BMAL2: variants seen among roughly 807,000 people sequenced by gnomAD.
BMAL2 encodes basic helix-loop-helix ARNT-like protein 2.
At chr12:27,356,910 C>G in the BMAL2 span, among the ~76,000 whole-genome samples, 1 of 151,852 alleles carries the variant, frequency 6.6e-6, no homozygotes, top group East Asian at 1.9e-4. Context: ...CACCCCCCCA[C>G]CCTTTCCCCT....
chr12:27,355,424 AC>A, the BMAL2 span, among the ~76,000 whole-genome samples: 1 of 152,136 alleles, frequency 6.6e-6, no homozygotes, highest in African/African-American at 2.4e-5. Flanking sequence ...TCTCCCACTG[AC>A]ACCAAATTTC....
At chr12:27,417,317 G>C in the BMAL2 span, among the ~76,000 whole-genome samples, 2 of 152,188 alleles carry the variant, frequency 1.3e-5, no homozygotes, top group Non-Finnish European at 2.9e-5. Flanking sequence ...ATTTCCCATA[G>C]TAGTTTTATA....
the BMAL2 span, among the ~76,000 whole-genome samples, chr12:27,337,723 T>C: frequency 1.3e-5 from 2 of 152,216 alleles, no homozygotes. Flanking sequence ...CTTTGTAAAC[T>C]TGGTCAAATT....
At chr12:27,344,647 A>G in the BMAL2 span, among the ~76,000 whole-genome samples, 2 of 152,224 alleles carry the variant, frequency 1.3e-5, no homozygotes, top group African/African-American at 4.8e-5. Context: ...CAGATTATCT[A>G]GGATAATCTC....
chr12:27,341,514 A>T, the BMAL2 span, among the ~76,000 whole-genome samples: 37 of 152,192 alleles, frequency 2.4e-4, no homozygotes, highest in African/African-American at 8.7e-4. Flanking sequence ...GGATTTGGTT[A>T]GCGCAGCTAC....
the BMAL2 span, chr12:27,387,119 AG>A: frequency 1.4e-6 from 1 of 721,838 alleles, no homozygotes; most frequent in East Asian, 2.7e-5. Context: ...CTACTCTGTT[AG>A]TTTTATTGCC....
chr12:27,381,679 C>T, the BMAL2 span, among the ~76,000 whole-genome samples: 4 of 152,152 alleles, frequency 2.6e-5, no homozygotes, highest in South Asian at 6.2e-4. Context: ...TCAACATGTG[C>T]GGTAGAAATC....
At chr12:27,354,461 A>T in the BMAL2 span, among the ~76,000 whole-genome samples, 1 of 152,082 alleles carries the variant, frequency 6.6e-6, no homozygotes, top group Non-Finnish European at 1.5e-5. Flanking sequence ...AAAATTACCT[A>T]TTGGGCACTG....
At chr12:27,421,225 T>A in the BMAL2 span, 1 of 152,162 alleles carries the variant, frequency 6.6e-6, no homozygotes, top group African/African-American at 2.4e-5. Flanking sequence ...GCCCTAGATC[T>A]TGGGGATTAA....
the BMAL2 span, among the ~76,000 whole-genome samples, chr12:27,381,603 C>A: frequency 2.6e-5 from 4 of 152,146 alleles, no homozygotes; most frequent in African/African-American, 9.7e-5. Flanking sequence ...CCACCAGGCC[C>A]CACCTCCAGC....
At chr12:27,402,270 T>G in the BMAL2 span, among the ~76,000 whole-genome samples, 1 of 152,152 alleles carries the variant, frequency 6.6e-6, no homozygotes, top group Non-Finnish European at 1.5e-5. Flanking sequence ...AACCAGTTAT[T>G]TCCTTGTCTA....
At chr12:27,401,693 T>A in the BMAL2 span, 2 of 1,529,938 alleles carry the variant, frequency 1.3e-6, no homozygotes. Flanking sequence ...TTTTTTATGT[T>A]AAGACCTTTA....
the BMAL2 span, among the ~76,000 whole-genome samples, chr12:27,348,412 C>G: frequency 6.6e-6 from 1 of 151,740 alleles, no homozygotes; most frequent in Non-Finnish European, 1.5e-5. Context: ...AGGGTAGTAG[C>G]AAAATTGATA....
At chr12:27,377,762 C>T in the BMAL2 span, among the ~76,000 whole-genome samples, 2 of 152,216 alleles carry the variant, frequency 1.3e-5, no homozygotes, top group African/African-American at 2.4e-5. Context: ...AGAAAAAAAT[C>T]TAATTGCTCA....
At chr12:27,335,512 A>C in the BMAL2 span, among the ~76,000 whole-genome samples, 1 of 152,174 alleles carries the variant, frequency 6.6e-6, no homozygotes, top group African/African-American at 2.4e-5. Context: ...ATTCTTTTAC[A>C]TGTAGTTCTG....
chr12:27,357,324 T>C, the BMAL2 span, among the ~76,000 whole-genome samples: 1 of 152,144 alleles, frequency 6.6e-6, no homozygotes, highest in Admixed American at 6.5e-5. Context: ...ATAAAAGACC[T>C]CTACAAGGAA....
the BMAL2 span, among the ~76,000 whole-genome samples, chr12:27,334,951 C>A: frequency 6.6e-6 from 1 of 152,248 alleles, no homozygotes; most frequent in East Asian, 1.9e-4. Flanking sequence ...GAGTTAAAAT[C>A]CATGGCTGTC....
At chr12:27,375,590 G>A in the BMAL2 span, among the ~76,000 whole-genome samples, 1 of 152,170 alleles carries the variant, frequency 6.6e-6, no homozygotes, top group Non-Finnish European at 1.5e-5. Flanking sequence ...GCTGGAAGGA[G>A]ACACATTAGA....
the BMAL2 span, among the ~76,000 whole-genome samples, chr12:27,395,177 G>T: frequency 6.6e-6 from 1 of 152,200 alleles, no homozygotes; most frequent in Non-Finnish European, 1.5e-5. Flanking sequence ...ATAAATGTCG[G>T]TTAATTAAAT....
Sources: allele counts gnomAD v4.1 joint callset (sites outside exome capture counted in the v4.1 genomes callset), GRCh38; gene constraint gnomAD v4.1.1; transcripts MANE v1.5; gene names NCBI Gene and HGNC (gene_info 2026-07-23, HGNC 2026-07-21).